The following BICDL2 variants were observed in gnomAD, a reference collection of about 807,000 sequenced individuals.
The protein encoded by BICDL2 is BICD family like cargo adaptor 2.
In BICDL2, 62 loss-of-function variants were observed where a neutral mutation model predicts 56.6. The observed-to-expected ratio is 1.10, with a 90% CI of 0.89 to 1.35. The LOEUF is 1.35. Among genes scored for constraint, BICDL2 ranks in the 40% most tolerant of loss-of-function variants. The pLI is 0.00. For synonymous variants in BICDL2, 358 were observed against 319.8 expected, an observed-to-expected ratio of 1.12 and a Z score of -1.27; for missense variants, 808 against 684.5, an observed-to-expected ratio of 1.18 and a Z score of -2.01.
intron 2 of BICDL2, chr16:3,034,910 A>C (rs1018759540): frequency 2.8e-6 from 1 of 359,826 alleles, no homozygotes; most frequent in African/African-American, 2.0e-5. Flanking sequence ...ACAGAGTCTC[A>C]CTACGTTGCC....
At chr16:3,028,912 C>T (rs1955605011) in intron 7 of BICDL2, 82 bp from the exon 8 acceptor site, 1 of 1,463,444 alleles carries the variant, frequency 6.8e-7, no homozygotes, top group Non-Finnish European at 9.1e-7. Context: ...CTCTGGCTCT[C>T]CCCACCCCTC....
At chr16:3,035,111 G>A in intron 2 of BICDL2, 104 bp downstream of exon 2, 2 of 1,186,032 alleles carry the variant, frequency 1.7e-6, no homozygotes, top group Non-Finnish European at 1.2e-6. Context: ...GTCCTCCCCA[G>A]CTCCTCTCTC....
At chr16:3,034,174 G>C (rs1256849039) in intron 2 of BICDL2, among the ~76,000 whole-genome samples, 1 of 152,230 alleles carries the variant, frequency 6.6e-6, no homozygotes, top group Admixed American at 6.5e-5. Flanking sequence ...GGACACCCAT[G>C]ACTGTCGCCT....
At chr16:3,031,708 C>T in intron 2 of BICDL2, 1 of 397,376 alleles carries the variant, frequency 2.5e-6, no homozygotes, top group Non-Finnish European at 4.4e-6. Context: ...CTGGCCCACT[C>T]TCTCTAGGCC....
chr16:3,035,223 G>T lies in BICDL2; in HGVS notation c.274C>A (p.Arg92Ser). The change falls in exon 2 of 10, where the codon CGT becomes AGT. Residue 92 changes from arginine (R) to serine (S), a missense_variant. Arg to Ser is a moderately radical substitution (Grantham distance 110). Coordinates refer to ENST00000572449, the MANE Select transcript of BICDL2 (RefSeq NM_001369667.1). ...LETLSAQHLE[R>S]EERLQQENHE... ...GTCCAGTGCTAGCTCACTTCCTCACGCTCCAAGTGCTGGGCGCTCAGCGTC... is the reference window on the plus strand; with the variant it reads ...GTCCAGTGCTAGCTCACTTCCTCACTCTCCAAGTGCTGGGCGCTCAGCGTC... 1 of 1,371,246 alleles carries T rather than the reference G, an allele frequency of 7.3e-7. No individual in the cohort carries two copies. The highest frequency in any genetic ancestry group is 9.5e-7 in the Non-Finnish European group (1 of 1,050,730). The allele number at this position is 1,371,246 out of a possible 1,614,324, so 84.9% of individuals were successfully genotyped here. A position where few individuals can be genotyped will look rare whatever the true frequency, so the allele number is the denominator to read the frequency against.
intron 7 of BICDL2, 38 bp downstream of exon 7, chr16:3,029,242 G>C (rs1166298166): frequency 1.9e-6 from 3 of 1,597,182 alleles, no homozygotes; most frequent in Admixed American, 1.7e-5. Flanking sequence ...CTGACAGCTG[G>C]AGGGGCCGTG....
intron 2 of BICDL2, chr16:3,034,943 C>G: frequency 2.1e-6 from 1 of 470,054 alleles, no homozygotes; most frequent in East Asian, 3.3e-5. Flanking sequence ...CAACACTGGG[C>G]TAGTGATCTT....
At chr16:3,029,933 A>G in intron 5 of BICDL2, 194 bp from the exon 6 acceptor site, 2 of 555,458 alleles carry the variant, frequency 3.6e-6, no homozygotes, top group South Asian at 2.3e-5. Context: ...TTCCTCGCCT[A>G]TAGAGCAGGG....
rs1955571589 is a variant in BICDL2 at position 3,027,998 on chromosome 16, G to T, written c.*108C>A. The T allele has an allele frequency of 3.7e-6, 5 of 1,340,506 alleles. No individual in the cohort carries two copies. In the South Asian group the frequency reaches 7.0e-5, roughly 19 times the overall value. 83.0% of individuals were successfully genotyped at this position (1,340,506 alleles called of 1,614,324 possible). ...GCCCTTGCCCAGCATCCTGGGGCGG[G>T]GAGGGCATCAGCTTCTTTTGGAAGA... On this transcript the variant is annotated 3_prime_UTR_variant, in exon 10 of 10. Transcript: ENST00000572449.
rs540354884 is a variant in BICDL2, at chr16:3,031,061, G to C, written c.372C>G (p.Asp124Glu). Residue 124 changes from aspartate to glutamate, a missense_variant, in exon 3 of 10, where the codon GAC becomes GAG. By Grantham distance (45) the Asp-to-Glu change is conservative. Transcript: ENST00000572449. Reference protein sequence around the residue: ...WEARAVELEGDVEALRAQLGE... With the variant: ...WEARAVELEGEVEALRAQLGE... Reference sequence around the variant, plus strand: ...CAAGCTGGGCCCGCAGGGCCTCCACGTCCCCCTCCAGCTCCACGGCCCGGG... The same window carrying C: ...CAAGCTGGGCCCGCAGGGCCTCCACCTCCCCCTCCAGCTCCACGGCCCGGG... 1 of 1,538,108 alleles carries C rather than the reference G, an allele frequency of 6.5e-7. No individual in the cohort carries two copies. The highest frequency in any genetic ancestry group is 1.4e-5 in the African/African-American group (1 of 73,056).
chr16:3,035,390 G>A lies in BICDL2; in HGVS notation c.107C>T (p.Ser36Leu), dbSNP rs544224647. 41 of 1,609,944 alleles carry A rather than the reference G, an allele frequency of 2.5e-5. No individual in the cohort carries two copies. The East Asian group carries it at 9.2e-4, about 36-fold the overall frequency. The stretch of plus-strand genomic sequence containing the variant: ...AGGCCCTGGGCCCCCTCCCAGGAAT[G>A]AGTCCCGCCGCTCCAGCACAAAGGG... ...FFPFVLERRD[S>L]FLGGGPGPEE... is the part of the protein sequence containing the mutation. Residue 36 changes from serine to leucine, a missense_variant, in exon 2 of 10, where the codon TCA (serine) becomes TTA (leucine). Ser to Leu is a moderately radical substitution (Grantham distance 145, BLOSUM62 -2). Coordinates refer to ENST00000572449, the MANE Select transcript of BICDL2 (RefSeq NM_001369667.1).
intron 1 of BICDL2, 49 bp from the exon 2 acceptor site, chr16:3,035,575 A>T (rs1352839020): frequency 1.4e-6 from 2 of 1,476,494 alleles, no homozygotes; most frequent in East Asian, 4.6e-5. Flanking sequence ...CCCTCCGCCC[A>T]GCACCTGGCC....
Position 3,028,247 on chromosome 16 carries a change from C to T in BICDL2, c.1386G>A (p.Gln462=). ...WQDDMQVVIG[Q]QLRSQRQKEL... Reference sequence around the variant, plus strand: ...CCTTCTGGCGCTGTGAGCGCAGCTGCTGCCCGATCACCACCTGCATGTCGT... The same window carrying T: ...CCTTCTGGCGCTGTGAGCGCAGCTGTTGCCCGATCACCACCTGCATGTCGT... Residue 462 remains glutamine, a synonymous_variant, in exon 10 of 10, where the codon CAG becomes CAA. Coordinates refer to ENST00000572449, the MANE Select transcript of BICDL2 (RefSeq NM_001369667.1). 6.8e-7 allele frequency: 1 copy of T among 1,477,002 alleles called. No homozygotes were observed. Among genetic ancestry groups the T allele is most frequent in the Non-Finnish European group, 8.9e-7 (1 of 1,126,518 alleles). 91.5% of individuals were successfully genotyped at this position (1,477,002 alleles called of 1,614,324 possible).
At chr16:3,035,555 CAG>C in intron 1 of BICDL2, 29 bp from the exon 2 acceptor site, 4 of 1,534,888 alleles carry the variant, frequency 2.6e-6, no homozygotes, top group South Asian at 1.2e-5. Flanking sequence ...TGCAGCCTGA[CAG>C]GGGCTCACCC....
Position 3,028,433 on chromosome 16 carries a change from G to A in BICDL2, c.1274C>T (p.Ser425Leu). 1 of 1,563,260 alleles carries A rather than the reference G, an allele frequency of 6.4e-7. No individual in the cohort carries two copies. The highest frequency in any genetic ancestry group is 1.3e-5 in the African/African-American group (1 of 74,130). ...LELSLQLNRV[S>L]LERDSLSREL... ...CCGAGACAGGGAGTCTCGCTCCAGC[G>A]AGACGCGGTTGAGCTGCAGGGACAG... Residue 425 changes from serine (S) to leucine (L), a missense_variant, in exon 9 of 10, where the codon TCG becomes TTG. Coordinates refer to ENST00000572449, the MANE Select transcript of BICDL2 (RefSeq NM_001369667.1).
intron 2 of BICDL2, among the ~76,000 whole-genome samples, chr16:3,033,806 T>A (rs1169873325): frequency 1.4e-5 from 2 of 142,644 alleles, no homozygotes; most frequent in African/African-American, 5.2e-5. Context: ...AAAAAAAAAA[T>A]AGAGAAAGAG....
At chr16:3,030,839 G>A (rs1955643117) in intron 3 of BICDL2, 27 bp from the exon 4 acceptor site, 2 of 1,583,902 alleles carry the variant, frequency 1.3e-6, no homozygotes, top group Middle Eastern at 1.7e-4. Context: ...AGGGACAGAG[G>A]AGCCTCAGCA....
chr16:3,035,374 G>A lies in BICDL2; in HGVS notation c.123C>T (p.Gly41=), dbSNP rs11077096. 570,012 of 1,604,648 alleles carry A rather than the reference G, an allele frequency of 0.36. 103,425 individuals are homozygous for A. The highest frequency in any genetic ancestry group is 0.42 in the Admixed American group (24,640 of 58,932). ...LERRDSFLGG[G]PGPEEPEDLA... Reference sequence around the variant, plus strand: ...GGTCCTCGGGCTCCTCAGGCCCTGGGCCCCCTCCCAGGAATGAGTCCCGCC... The same window carrying A: ...GGTCCTCGGGCTCCTCAGGCCCTGGACCCCCTCCCAGGAATGAGTCCCGCC... Residue 41 remains glycine, a synonymous_variant, in exon 2 of 10, where the codon GGC becomes GGT. Coordinates refer to ENST00000572449, the MANE Select transcript of BICDL2 (RefSeq NM_001369667.1).
At position 3,031,026 on chromosome 16, in the gene BICDL2, C is replaced by G. The variant is rs775256994; in HGVS notation, c.407G>C (p.Arg136Pro). The change falls in exon 3 of 10, where the codon CGC becomes CCC. Residue 136 changes from arginine to proline, a missense_variant. Coordinates refer to ENST00000572449, the MANE Select transcript of BICDL2 (RefSeq NM_001369667.1). Reference protein sequence around the residue: ...EALRAQLGEQRSEQQDSGRER... With the variant: ...EALRAQLGEQPSEQQDSGRER... ...TCGCCCACTGTCCTGCTGCTCTGAG[C>G]GCTGCTCCCCAAGCTGGGCCCGCAG... 13 of 1,547,488 alleles carry G rather than the reference C, an allele frequency of 8.4e-6. No homozygotes were observed. The highest frequency in any genetic ancestry group is 1.4e-5 in the African/African-American group (1 of 73,316).
Sources: gnomAD v4.1 joint callset for allele counts (sites outside exome capture counted in the v4.1 genomes callset) on GRCh38, gnomAD v4.1.1 for gene constraint, MANE v1.5 for transcripts, NCBI Gene and HGNC (gene_info 2026-07-23, HGNC 2026-07-21) for gene names.